The following ETV4 variants were observed in gnomAD, a reference collection of about 807,000 sequenced individuals.
ETV4 encodes the protein ETS translocation variant 4.
Under a neutral mutation model 65.9 loss-of-function variants are expected in ETV4, and 42 were observed. The ratio of observed to expected loss-of-function variants is 0.64; its 90% confidence interval spans 0.50 to 0.82. The LOEUF is 0.82. ETV4 is among the 40% of genes least tolerant of loss of function. The pLI is 0.00. For missense variants in ETV4, 583 were observed against 630.3 expected, an observed-to-expected ratio of 0.92 and a Z score of 0.80; for synonymous variants, 238 against 260.0, an observed-to-expected ratio of 0.92 and a Z score of 0.81.
At position 43,544,788 on chromosome 17, in the gene ETV4, A is replaced by G; in HGVS notation, c.202+187T>C. The stretch of plus-strand genomic sequence containing the variant: ...GCTCAGGGTAGAGAAAATAAATATC[A>G]ATATAAGTGTCCACGCTGGGTGCTG... On this transcript the variant is annotated intron_variant, in intron 4 of 12. Transcript: ENST00000319349. The G allele has an allele frequency of 6.9e-6, 4 of 579,784 alleles. No homozygotes were observed. The South Asian group carries it at 8.7e-5, about 13-fold the overall frequency. The allele number at this position is 579,784 out of a possible 1,614,324, so 35.9% of individuals were successfully genotyped here.
intron 4 of ETV4, 64 bp downstream of exon 4, chr17:43,544,911 C>T (rs1242871161): frequency 6.8e-7 from 1 of 1,473,236 alleles, no homozygotes; most frequent in Non-Finnish European, 9.5e-7. Flanking sequence ...GGTGGAATAC[C>T]AGGGGCTACG....
At chr17:43,543,092 C>T (rs1971604430) in intron 4 of ETV4, among the ~76,000 whole-genome samples, 1 of 151,876 alleles carries the variant, frequency 6.6e-6, no homozygotes, top group Non-Finnish European at 1.5e-5. Flanking sequence ...CCTCAGCATC[C>T]CCCCCTCAGA....
At chr17:43,544,858 ACTC>A in intron 4 of ETV4, 114 bp downstream of exon 4, 2 of 947,770 alleles carry the variant, frequency 2.1e-6, no homozygotes, top group Non-Finnish European at 3.4e-6. Context: ...GCCTTGGAGA[ACTC>A]CTTGAGGCAG....
chr17:43,541,658 G>A (rs1450040197), intron 4 of ETV4, among the ~76,000 whole-genome samples: 3 of 152,040 alleles, frequency 2.0e-5, no homozygotes, highest in East Asian at 1.9e-4. Context: ...ACATATGCTC[G>A]GTCACCCTCT....
In ETV4 at chr17:43,533,290, G is replaced by T; in HGVS notation, c.442C>A (p.Gln148Lys). The change falls in exon 7 of 13, where the codon CAG becomes AAG. Residue 148 changes from glutamine (Q) to lysine (K), a missense_variant. Coordinates refer to ENST00000319349, the MANE Select transcript of ETV4 (RefSeq NM_001079675.5). ...CGGGGAAAGGGCTGTAGGGGCGACT[G>T]TCCAAGGGCACCAGGGGCAGGGGAC... Reference protein sequence around the residue: ...IKSPAPGALGQSPLQPFPRAE... With the variant: ...IKSPAPGALGKSPLQPFPRAE... 6.2e-7 allele frequency: 1 copy of T among 1,613,986 alleles called. No individual in the cohort carries two copies. Among genetic ancestry groups the T allele is most frequent in the Non-Finnish European group, 8.5e-7 (1 of 1,179,910 alleles).
intron 8 of ETV4, among the ~76,000 whole-genome samples, chr17:43,530,604 G>A (rs949382550): frequency 8.8e-5 from 4 of 45,618 alleles, no homozygotes; most frequent in Admixed American, 7.0e-4. Flanking sequence ...CCCTGTGCAC[G>A]CGCGCGTGTG....
rs1598203168 is a variant in ETV4 at position 43,534,046 on chromosome 17, T to A, written c.257-61A>T. On this transcript the variant is annotated intron_variant, in intron 5 of 12. Coordinates refer to ENST00000319349, the MANE Select transcript of ETV4 (RefSeq NM_001079675.5). ...CTGTCACACAAGAGGCAGGCAGGGC[T>A]TCTGATACCTTCTGAGCTTTGAGGA... The A allele has an allele frequency of 4.1e-5, 58 of 1,418,416 alleles. No homozygotes were observed. The South Asian group carries it at 9.6e-4, about 23-fold the overall frequency. 87.9% of individuals were successfully genotyped at this position (1,418,416 alleles called of 1,614,324 possible).
intron 5 of ETV4, among the ~76,000 whole-genome samples, chr17:43,534,551 C>T (rs1457445464): frequency 6.6e-6 from 1 of 152,182 alleles, no homozygotes; most frequent in Admixed American, 6.5e-5. Context: ...AAAACACTTT[C>T]AAGGAGTGAG....
In ETV4 at chr17:43,529,864, T is replaced by G. The variant is rs1970801665; in HGVS notation, c.955+20A>C. ...GCGTGATAAGACCTTGACCCTCCCA[T>G]CAACAGTCACTTCTCTGACCTTCAA... On this transcript the variant is annotated intron_variant, in intron 10 of 12. Transcript: ENST00000319349. The G allele has an allele frequency of 6.2e-7, 1 of 1,613,628 alleles. No individual in the cohort carries two copies. The highest frequency in any genetic ancestry group is 1.7e-5 in the Admixed American group (1 of 59,990).
At position 43,533,333 on chromosome 17, in the gene ETV4, G is replaced by C. The variant is rs772038899; in HGVS notation, c.399C>G (p.Pro133=). The C allele has an allele frequency of 2.5e-6, 4 of 1,612,908 alleles. No homozygotes were observed. The highest frequency in any genetic ancestry group is 3.3e-5 in the Admixed American group (2 of 59,982). ...CAGGGGACTTGATGGCGATTTGTCT[G>C]GGGGGGTCATAGGCACTGGAGTTGA... ...QCLYSSAYDP[P]RQIAIKSPAP... Residue 133 remains proline (P), a synonymous_variant, in exon 7 of 13, where the codon CCC becomes CCG. Transcript: ENST00000319349.
At chr17:43,533,803 C>T (rs1971089113) in intron 6 of ETV4, 56 bp downstream of exon 6, 8 of 1,590,636 alleles carry the variant, frequency 5.0e-6, no homozygotes, top group Non-Finnish European at 6.8e-6. Context: ...GTGCCCCCTG[C>T]CTCCCTCCTC....
At position 43,528,336 on chromosome 17, in the gene ETV4, C is replaced by T; in HGVS notation, c.*183G>A. ...TGAGACTCTAGACTTGCCATTTCTC[C>T]ACTTTTCCTTCCCAATGACTCCGGT... On this transcript the variant is annotated 3_prime_UTR_variant, in exon 13 of 13. Coordinates refer to ENST00000319349, the MANE Select transcript of ETV4 (RefSeq NM_001079675.5). 1.9e-6 allele frequency: 1 copy of T among 530,306 alleles called. No homozygotes were observed. The highest frequency in any genetic ancestry group is 3.3e-6 in the Non-Finnish European group (1 of 299,928). 32.9% of individuals were successfully genotyped at this position (530,306 alleles called of 1,614,324 possible).
chr17:43,530,830 C>G (rs1970889035), intron 8 of ETV4, among the ~76,000 whole-genome samples: 1 of 152,078 alleles, frequency 6.6e-6, no homozygotes, highest in Non-Finnish European at 1.5e-5. Flanking sequence ...CCGCCCTCCC[C>G]CCACTGCACT....
At chr17:43,532,567 G>A (rs141611511) in intron 8 of ETV4, 107 bp downstream of exon 8, 25 of 1,023,942 alleles carry the variant, frequency 2.4e-5, no homozygotes, top group African/African-American at 3.2e-5. Context: ...GGGTGGGTGG[G>A]TTGGATGTAT....
chr17:43,529,881 G>C lies in ETV4; in HGVS notation c.955+3C>G. 1 of 1,614,106 alleles carries C rather than the reference G, an allele frequency of 6.2e-7. No individual in the cohort carries two copies. The highest frequency in any genetic ancestry group is 1.7e-5 in the Admixed American group (1 of 60,022). ...CCCTCCCATCAACAGTCACTTCTCT[G>C]ACCTTCAAATTTCTCAGGGACAACG... On this transcript the variant is annotated splice_donor_region_variant and intron_variant, in intron 10 of 12. Coordinates refer to ENST00000319349, the MANE Select transcript of ETV4 (RefSeq NM_001079675.5).
At chr17:43,533,704 GA>G (rs1971085097) in intron 6 of ETV4, among the ~76,000 whole-genome samples, 154 bp downstream of exon 6, 1 of 152,072 alleles carries the variant, frequency 6.6e-6, no homozygotes, top group Admixed American at 6.6e-5. Flanking sequence ...CTATTCAGAG[GA>G]AATCCTTAGC....
Position 43,529,870 on chromosome 17 carries a change from G to A in ETV4, c.955+14C>T, listed in dbSNP as rs1238637859. The A allele has an allele frequency of 6.2e-7, 1 of 1,613,988 alleles. No homozygotes were observed. The highest frequency in any genetic ancestry group is 1.7e-5 in the Admixed American group (1 of 60,020). On this transcript the variant is annotated intron_variant, in intron 10 of 12. Transcript: ENST00000319349. ...TAAGACCTTGACCCTCCCATCAACA[G>A]TCACTTCTCTGACCTTCAAATTTCT...
rs769112662 is a variant in ETV4 at position 43,532,774 on chromosome 17, C to T, written c.711G>A (p.Ala237=). 13 of 1,613,898 alleles carry T rather than the reference C, an allele frequency of 8.1e-6. No individual in the cohort carries two copies. The South Asian group carries it at 8.8e-5, about 11-fold the overall frequency. The change falls in exon 8 of 13, where the codon GCG becomes GCA. Residue 237 remains alanine (A), a synonymous_variant. Coordinates refer to ENST00000319349, the MANE Select transcript of ETV4 (RefSeq NM_001079675.5). ...CACCCTGGTCCACGGCTGGCTGGCCCGCCTGTTCATACAGGGGATCATGGT... is the reference window on the plus strand; with the variant it reads ...CACCCTGGTCCACGGCTGGCTGGCCTGCCTGTTCATACAGGGGATCATGGT... ...QEYHDPLYEQ[A]GQPAVDQGGV...
intron 4 of ETV4, chr17:43,544,045 G>T (rs1971666569): frequency 6.6e-6 from 1 of 152,162 alleles, no homozygotes; most frequent in South Asian, 2.1e-4. Context: ...CAAAAAAGGA[G>T]TTCCTAGTGT....
Sources: allele counts gnomAD v4.1 joint callset (sites outside exome capture counted in the v4.1 genomes callset), GRCh38; gene constraint gnomAD v4.1.1; transcripts MANE v1.5; gene names NCBI Gene and HGNC (gene_info 2026-07-23, HGNC 2026-07-21).